GPR137C: variants seen among roughly 807,000 people sequenced by gnomAD.
The protein encoded by GPR137C is G protein-coupled receptor 137C, also known as integral membrane protein GPR137C.
Under a neutral mutation model 43.4 loss-of-function variants are expected in GPR137C, and 27 were observed. The observed-to-expected ratio is 0.62, with a 90% CI of 0.46 to 0.86. The LOEUF is 0.86. Ranked by LOEUF, GPR137C falls within the 40% of genes least tolerant of loss-of-function variation. The probability of loss-of-function intolerance (pLI) is 0.00; values close to 1 mark genes in which losing one functional copy is unlikely to be tolerated. For missense variants in GPR137C, 522 were observed against 534.6 expected, an observed-to-expected ratio of 0.98 and a Z score of 0.23; for synonymous variants, 285 against 226.9, an observed-to-expected ratio of 1.26 and a Z score of -2.30.
chr14:52,613,602 C>A, intron 3 of GPR137C: 1 of 188,140 alleles, frequency 5.3e-6, no homozygotes, highest in South Asian at 7.9e-5. Flanking sequence ...TGAGAACATG[C>A]GATGTTTGTC....
intron 3 of GPR137C, among the ~76,000 whole-genome samples, chr14:52,615,805 T>C (rs1353336671): frequency 6.6e-6 from 1 of 152,236 alleles, no homozygotes; most frequent in East Asian, 1.9e-4. Flanking sequence ...TTTGTGAATG[T>C]TGATTTTTGT....
intron 3 of GPR137C, among the ~76,000 whole-genome samples, chr14:52,603,751 C>T (rs2139534612): frequency 6.6e-6 from 1 of 152,132 alleles, no homozygotes; most frequent in Admixed American, 6.5e-5. Context: ...GTTGGCCGGG[C>T]TGGTCTCAAC....
At chr14:52,611,812 T>C in intron 3 of GPR137C, 25 of 508,156 alleles carry the variant, frequency 4.9e-5, no homozygotes, top group Non-Finnish European at 6.1e-5. Flanking sequence ...AGATAAAGTA[T>C]AGTAATCATG....
chr14:52,589,068 T>C (rs894776973), intron 1 of GPR137C, among the ~76,000 whole-genome samples: 2 of 152,232 alleles, frequency 1.3e-5, no homozygotes, highest in South Asian at 4.1e-4. Flanking sequence ...AGAAAGGACA[T>C]TCTGACACAT....
At chr14:52,580,584 G>A (rs75036970) in intron 1 of GPR137C, among the ~76,000 whole-genome samples, 17,523 of 151,578 alleles carry the variant, frequency 0.12, 1,320 homozygotes, top group East Asian at 0.37. Context: ...GGGTGGTCTC[G>A]AACTTCTGAG....
At chr14:52,586,300 G>T (rs1230115428) in intron 1 of GPR137C, among the ~76,000 whole-genome samples, 1 of 152,156 alleles carries the variant, frequency 6.6e-6, no homozygotes, top group East Asian at 1.9e-4. Flanking sequence ...TTCCAACACA[G>T]ATTTTCCCAG....
At chr14:52,629,336 TCTAA>T (rs2039267456) in intron 3 of GPR137C, among the ~76,000 whole-genome samples, 1 of 152,196 alleles carries the variant, frequency 6.6e-6, no homozygotes, top group Non-Finnish European at 1.5e-5. Flanking sequence ...AAAGACTCTA[TCTAA>T]CTGTCATATA....
chr14:52,626,031 A>G (rs1010611749), intron 3 of GPR137C, among the ~76,000 whole-genome samples: 2 of 152,180 alleles, frequency 1.3e-5, no homozygotes, highest in African/African-American at 4.8e-5. Flanking sequence ...AAATAATACA[A>G]CTTAAAAAAC....
At chr14:52,565,538 A>G (rs970166767) in intron 1 of GPR137C, among the ~76,000 whole-genome samples, 2 of 152,196 alleles carry the variant, frequency 1.3e-5, no homozygotes, top group Non-Finnish European at 2.9e-5. Flanking sequence ...TAGATCAGCC[A>G]CTATTTTACA....
chr14:52,604,624 T>C (rs2038963914), intron 3 of GPR137C, among the ~76,000 whole-genome samples: 1 of 152,036 alleles, frequency 6.6e-6, no homozygotes, highest in African/African-American at 2.4e-5. Flanking sequence ...TTTTTTGTAT[T>C]TTTAGTAGAG....
At chr14:52,610,342 G>A (rs2039025203) in intron 3 of GPR137C, among the ~76,000 whole-genome samples, 1 of 152,160 alleles carries the variant, frequency 6.6e-6, no homozygotes, top group Non-Finnish European at 1.5e-5. Context: ...TTAGTGAAGT[G>A]AAGACAAGGG....
intron 1 of GPR137C, among the ~76,000 whole-genome samples, chr14:52,553,813 T>A (rs1594775469): frequency 6.6e-6 from 1 of 151,812 alleles, no homozygotes; most frequent in Non-Finnish European, 1.5e-5. Context: ...AGGGGGTGAG[T>A]GAGTGAGTGT....
intron 1 of GPR137C, among the ~76,000 whole-genome samples, chr14:52,564,933 C>G (rs1421982996): frequency 6.7e-6 from 1 of 148,332 alleles, no homozygotes; most frequent in Admixed American, 6.7e-5. Flanking sequence ...CTCCTCCCTT[C>G]AAAAAAAAAA....
At chr14:52,606,170 G>A (rs2038981570) in intron 3 of GPR137C, among the ~76,000 whole-genome samples, 1 of 152,102 alleles carries the variant, frequency 6.6e-6, no homozygotes. Context: ...AAGCCATAAG[G>A]TCCTGTGCTT....
chr14:52,563,375 C>A (rs996341931), intron 1 of GPR137C, among the ~76,000 whole-genome samples: 2 of 152,196 alleles, frequency 1.3e-5, no homozygotes, highest in South Asian at 2.1e-4. Context: ...CCATACTACT[C>A]TGAGCTGGCT....
intron 3 of GPR137C, among the ~76,000 whole-genome samples, chr14:52,619,608 T>C (rs535316458): frequency 6.6e-6 from 1 of 152,262 alleles, no homozygotes; most frequent in South Asian, 2.1e-4. Flanking sequence ...ATATCTCTTA[T>C]CTTCTCCTAA....
chr14:52,620,147 G>A (rs1287866770), intron 3 of GPR137C, among the ~76,000 whole-genome samples: 1 of 152,076 alleles, frequency 6.6e-6, no homozygotes, highest in Non-Finnish European at 1.5e-5. Context: ...CCATGGGGCA[G>A]CCAAAACTGG....
chr14:52,629,244 T>A (rs1365684033), intron 3 of GPR137C, among the ~76,000 whole-genome samples: 1 of 152,144 alleles, frequency 6.6e-6, no homozygotes, highest in African/African-American at 2.4e-5. Flanking sequence ...ACGACCACCA[T>A]ATGACCCAGC....
At chr14:52,614,906 G>A (rs1009627542) in intron 3 of GPR137C, among the ~76,000 whole-genome samples, 2 of 152,164 alleles carry the variant, frequency 1.3e-5, no homozygotes, top group African/African-American at 4.8e-5. Flanking sequence ...CCATTCTGTG[G>A]GTTGTCTCTT....
Sources: gnomAD v4.1 joint callset for allele counts (sites outside exome capture counted in the v4.1 genomes callset) on GRCh38, gnomAD v4.1.1 for gene constraint, MANE v1.5 for transcripts, NCBI Gene and HGNC (gene_info 2026-07-23, HGNC 2026-07-21) for gene names.